The following SCAP variants were observed in gnomAD, a reference collection of about 807,000 sequenced individuals.
SCAP encodes the protein sterol regulatory element-binding protein cleavage-activating protein.
A neutral mutation model predicts 123.6 loss-of-function variants in SCAP; 65 were observed. That is an observed-to-expected ratio of 0.53 (90% CI 0.43 to 0.65). The LOEUF (loss-of-function observed/expected upper bound fraction) is 0.65, where lower values mean the gene tolerates loss of function less well. Ranked by LOEUF, SCAP falls within the 30% of genes least tolerant of loss-of-function variation. The pLI, the probability that SCAP is intolerant of heterozygous loss-of-function variation, is 0.00. For missense variants in SCAP, 1,398 were observed against 1,712.5 expected (o/e 0.82, Z 3.24); for synonymous variants, 740 against 726.3 (o/e 1.02, Z -0.30).
chr3:47,436,055 A>G (rs1706566719), intron 2 of SCAP, among the ~76,000 whole-genome samples: 2 of 152,112 alleles, frequency 1.3e-5, no homozygotes, highest in South Asian at 4.1e-4. Flanking sequence ...TCTGAAAGAA[A>G]AAAGTTTTCA....
intron 1 of SCAP, among the ~76,000 whole-genome samples, chr3:47,465,354 A>G (rs1011864523): frequency 3.9e-5 from 6 of 152,118 alleles, no homozygotes; most frequent in African/African-American, 1.4e-4. Flanking sequence ...TATTGTTAGT[A>G]GAGACAGGGT....
At chr3:47,418,932 AGGCAGGCCTCAGCTCCACC>A in intron 13 of SCAP, 89 bp from the exon 14 acceptor site, 1 of 1,340,138 alleles carries the variant, frequency 7.5e-7, no homozygotes, top group East Asian at 2.6e-5. Context: ...CCTCCTCCCC[AGGCAGGCCTCAGCTCCACC>A]GGCCAGACTC....
chr3:47,422,095 A>G (rs1040026978), intron 10 of SCAP, among the ~76,000 whole-genome samples: 3 of 152,272 alleles, frequency 2.0e-5, no homozygotes, highest in African/African-American at 7.2e-5. Context: ...AGGTGTGACA[A>G]ACTGCACAGC....
At chr3:47,426,400 G>A (rs150650567) in intron 6 of SCAP, among the ~76,000 whole-genome samples, 24 of 151,904 alleles carry the variant, frequency 1.6e-4, no homozygotes, top group Non-Finnish European at 3.1e-4. Context: ...CTCCCTTTCC[G>A]GACCTACTCC....
intron 5 of SCAP, 57 bp from the exon 6 acceptor site, chr3:47,427,319 C>A: frequency 6.5e-7 from 1 of 1,543,748 alleles, no homozygotes; most frequent in Non-Finnish European, 9.0e-7. Context: ...GCAGAGCCAC[C>A]AAGGACCCCT....
chr3:47,423,067 G>A (rs919939128), intron 9 of SCAP, among the ~76,000 whole-genome samples: 9 of 152,154 alleles, frequency 5.9e-5, no homozygotes, highest in African/African-American at 1.9e-4. Context: ...GGACAATTTC[G>A]CCCCATCTCT....
At chr3:47,433,698 C>T (rs1455649729) in intron 3 of SCAP, among the ~76,000 whole-genome samples, 2 of 152,012 alleles carry the variant, frequency 1.3e-5, no homozygotes, top group Non-Finnish European at 2.9e-5. Flanking sequence ...GAAACCCCAC[C>T]CCTACTAAAA....
intron 1 of SCAP, among the ~76,000 whole-genome samples, chr3:47,456,226 A>G (rs1435295029): frequency 6.6e-6 from 1 of 152,046 alleles, no homozygotes; most frequent in Non-Finnish European, 1.5e-5. Flanking sequence ...AACATGGCAA[A>G]ACCCTTCTCT....
Position 47,419,994 on chromosome 3 carries a change from G to A in SCAP, c.1564-290C>T, listed in dbSNP as rs907194524. Among the ~76,000 whole-genome samples, 4 of 152,156 alleles carry A rather than the reference G, an allele frequency of 2.6e-5. No individual in the cohort carries two copies. The highest frequency in any genetic ancestry group is 1.5e-5 in the Non-Finnish European group (1 of 68,024). ...TGACACAGAATGTCCCCACCCCTAA[G>A]CTCCACCTCAGCTGGAGCCAGAAAG... On this transcript the variant is annotated intron_variant, in intron 12 of 22. Coordinates refer to ENST00000265565, the MANE Select transcript of SCAP (RefSeq NM_012235.4). The surrounding 1 kb of genome is among the most constrained non-coding windows in gnomAD (Gnocchi z 5.0).
Position 47,425,628 on chromosome 3 carries a change from G to T in SCAP, c.911-17C>A. The T allele has an allele frequency of 6.2e-7, 1 of 1,613,060 alleles. No homozygotes were observed. The highest frequency in any genetic ancestry group is 8.5e-7 in the Non-Finnish European group (1 of 1,179,628). Reference sequence around the variant, plus strand: ...CGATCTTCCCTGGAGGGCAGAGAGGGCGTATCAGGGCGGCCCCTCCCCCAG... The same window carrying T: ...CGATCTTCCCTGGAGGGCAGAGAGGTCGTATCAGGGCGGCCCCTCCCCCAG... On this transcript the variant is annotated splice_polypyrimidine_tract_variant and intron_variant, in intron 7 of 22. Transcript: ENST00000265565.
chr3:47,454,581 TAGTC>T (rs1404694558), intron 1 of SCAP, among the ~76,000 whole-genome samples: 12 of 151,252 alleles, frequency 7.9e-5, no homozygotes, highest in Admixed American at 7.9e-4. Flanking sequence ...ATACAAAAAT[TAGTC>T]AGGCATGGTG....
intron 1 of SCAP, among the ~76,000 whole-genome samples, chr3:47,447,047 C>A (rs1707070369): frequency 6.6e-6 from 1 of 152,182 alleles, no homozygotes; most frequent in South Asian, 2.1e-4. Flanking sequence ...GCCAATTGTT[C>A]CAGCACCATT....
intron 1 of SCAP, among the ~76,000 whole-genome samples, chr3:47,462,099 C>T (rs1271846083): frequency 2.6e-5 from 4 of 152,044 alleles, no homozygotes; most frequent in African/African-American, 4.8e-5. Flanking sequence ...TATTCTACTT[C>T]GTTTTGTGGT....
Position 47,435,077 on chromosome 3 carries a change from C to T in SCAP, c.183G>A (p.Val61=), listed in dbSNP as rs1706515917. 5 of 1,614,090 alleles carry T rather than the reference C, an allele frequency of 3.1e-6. No individual in the cohort carries two copies. The highest frequency in any genetic ancestry group is 4.2e-6 in the Non-Finnish European group (5 of 1,179,996). The change falls in exon 3 of 23, where the codon GTG becomes GTA. Residue 61 remains valine (V), a synonymous_variant. Coordinates refer to ENST00000265565, the MANE Select transcript of SCAP (RefSeq NM_012235.4). ...GTGPVEFTTP[V]KDYSPPPVDS... ...CCACAGGTGGGGGCGAGTAATCCTT[C>T]ACAGGGGTGGTGAATTCCACAGGTC...
At chr3:47,442,304 G>C (rs1706838494) in intron 2 of SCAP, among the ~76,000 whole-genome samples, 1 of 152,170 alleles carries the variant, frequency 6.6e-6, no homozygotes, top group Non-Finnish European at 1.5e-5. Flanking sequence ...ATGAGGCCTT[G>C]AGAAAGACAG....
rs980470042 is a variant in SCAP at position 47,420,124 on chromosome 3, G to C, written c.1564-420C>G. Among the ~76,000 whole-genome samples the C allele has an allele frequency of 1.3e-5, 2 of 152,190 alleles. No individual in the cohort carries two copies. Among genetic ancestry groups the C allele is most frequent in the African/African-American group, 4.8e-5 (2 of 41,448 alleles). On this transcript the variant is annotated intron_variant, in intron 12 of 22. Transcript: ENST00000265565. The surrounding 1 kb of genome is among the most constrained non-coding windows in gnomAD (Gnocchi z 5.0). Reference sequence around the variant, plus strand: ...TCAGCCTTCCTCCCATCTCAGTTCAGCTCCCTGGAAGAGGCACTGCTGCCC... The same window carrying C: ...TCAGCCTTCCTCCCATCTCAGTTCACCTCCCTGGAAGAGGCACTGCTGCCC...
intron 10 of SCAP, 131 bp downstream of exon 10, chr3:47,422,311 G>T: frequency 1.3e-6 from 1 of 748,416 alleles, no homozygotes; most frequent in Non-Finnish European, 2.2e-6. Flanking sequence ...CTGCTTGCCA[G>T]GCAAAGAGGT....
intron 1 of SCAP, among the ~76,000 whole-genome samples, chr3:47,449,476 C>T (rs1707169402): frequency 8.0e-6 from 1 of 124,686 alleles, no homozygotes; most frequent in South Asian, 3.0e-4. Flanking sequence ...AAATAGAAGA[C>T]TTCCTCTCCT....
chr3:47,420,960 CAGT>C lies in SCAP; in HGVS notation c.1312_1314del (p.Thr438del). ...ATCCGGCGAATGTCAATGGACAGGACAGTGGTGAAAAACAGCATCTGAAGGAAG... is the reference window on the plus strand; with the variant it reads ...ATCCGGCGAATGTCAATGGACAGGACGGTGAAAAACAGCATCTGAAGGAAG... On this transcript the variant is annotated inframe_deletion, in exon 11 of 23. Coordinates refer to ENST00000265565, the MANE Select transcript of SCAP (RefSeq NM_012235.4). This position sits in a 1 kb window ranked among gnomAD's most constrained non-coding sequence, Gnocchi z 5.0. The C allele has an allele frequency of 1.2e-6, 2 of 1,613,968 alleles. No individual in the cohort carries two copies. The highest frequency in any genetic ancestry group is 8.5e-7 in the Non-Finnish European group (1 of 1,179,996).
Sources: gnomAD v4.1 joint callset for allele counts (sites outside exome capture counted in the v4.1 genomes callset) on GRCh38, gnomAD v4.1.1 for gene constraint, Gnocchi (gnomAD v3.1) non-coding constraint, MANE v1.5 for transcripts, NCBI Gene and HGNC (gene_info 2026-07-23, HGNC 2026-07-21) for gene names.